The following TBC1D19 variants were observed in gnomAD, a reference collection of about 807,000 sequenced individuals.
TBC1D19 encodes the protein TBC1 domain family, member 19.
Under a neutral mutation model 89.0 loss-of-function variants are expected in TBC1D19, and 60 were observed. That is an observed-to-expected ratio of 0.67 (90% CI 0.55 to 0.84). The LOEUF is 0.84. Ranked by LOEUF, TBC1D19 falls within the 40% of genes least tolerant of loss-of-function variation. The pLI is 0.00. For missense variants in TBC1D19, 500 were observed against 610.8 expected (o/e 0.82, Z 1.91); for synonymous variants, 189 against 199.7 (o/e 0.95, Z 0.45).
At chr4:26,725,141 G>A (rs897690802) in intron 15 of TBC1D19, among the ~76,000 whole-genome samples, 1 of 152,186 alleles carries the variant, frequency 6.6e-6, no homozygotes, top group African/African-American at 2.4e-5. Flanking sequence ...GTGAGCCATG[G>A]TCTTCATGGC....
At chr4:26,693,972 G>A (rs907734418) in intron 13 of TBC1D19, among the ~76,000 whole-genome samples, 39 of 152,240 alleles carry the variant, frequency 2.6e-4, no homozygotes, top group African/African-American at 7.2e-4. Context: ...CAGAGTGAGC[G>A]ATGCAGAAGA....
chr4:26,770,080 A>T, the TBC1D19 span, among the ~76,000 whole-genome samples: 1 of 152,064 alleles, frequency 6.6e-6, no homozygotes, highest in South Asian at 2.1e-4. Flanking sequence ...AAAAAACAAC[A>T]TGGTAGATTA....
the TBC1D19 span, among the ~76,000 whole-genome samples, chr4:26,823,046 C>T: frequency 0.013 from 2,003 of 152,296 alleles, 45 homozygotes; most frequent in African/African-American, 0.046. Flanking sequence ...ATACCCAAGA[C>T]TGGGCAATTT....
chr4:26,645,824 A>C (rs1177328132), intron 7 of TBC1D19, among the ~76,000 whole-genome samples: 2 of 151,844 alleles, frequency 1.3e-5, no homozygotes, highest in Non-Finnish European at 2.9e-5. Flanking sequence ...AAACAACCCC[A>C]TCAAAAAGTG....
the TBC1D19 span, among the ~76,000 whole-genome samples, chr4:26,818,622 C>T: frequency 6.6e-6 from 1 of 152,166 alleles, no homozygotes; most frequent in African/African-American, 2.4e-5. Flanking sequence ...ATTCTTTACT[C>T]GTATTCCCCA....
At chr4:26,704,412 G>A (rs1462838424) in intron 13 of TBC1D19, among the ~76,000 whole-genome samples, 1 of 152,166 alleles carries the variant, frequency 6.6e-6, no homozygotes, top group Non-Finnish European at 1.5e-5. Flanking sequence ...TCTGTTGTAT[G>A]ACGAATCTTC....
At chr4:26,728,076 A>T (rs1447649136) in intron 15 of TBC1D19, among the ~76,000 whole-genome samples, 1 of 152,224 alleles carries the variant, frequency 6.6e-6, no homozygotes, top group Non-Finnish European at 1.5e-5. Context: ...AATTTATTGT[A>T]AGCTTTCTTA....
At chr4:26,835,574 C>T in the TBC1D19 span, among the ~76,000 whole-genome samples, 6 of 152,176 alleles carry the variant, frequency 3.9e-5, no homozygotes, top group South Asian at 8.3e-4. Context: ...TCCTTGACTC[C>T]GTTTCCCAGG....
At chr4:26,757,902 G>C (rs1212584851), downstream of TBC1D19, among the ~76,000 whole-genome samples, 1 of 152,174 alleles carries the variant, frequency 6.6e-6, no homozygotes, top group African/African-American at 2.4e-5. Flanking sequence ...AAGGATAAAA[G>C]CTGGGCTCTG....
At chr4:26,800,025 CTTTAAG>C in the TBC1D19 span, among the ~76,000 whole-genome samples, 2 of 151,892 alleles carry the variant, frequency 1.3e-5, no homozygotes, top group Non-Finnish European at 2.9e-5. Context: ...TATTATCATA[CTTTAAG>C]TTTTAGGGTA....
chr4:26,620,547 C>T (rs895493732), intron 3 of TBC1D19, 66 bp from the exon 4 acceptor site: 6 of 1,315,774 alleles, frequency 4.6e-6, no homozygotes, highest in Admixed American at 1.8e-5. Context: ...ACATGGACTA[C>T]AGAGGTAAGT....
At chr4:26,655,571 G>A (rs1336872323) in intron 7 of TBC1D19, among the ~76,000 whole-genome samples, 2 of 152,208 alleles carry the variant, frequency 1.3e-5, no homozygotes, top group African/African-American at 4.8e-5. Context: ...GTTGGCAATG[G>A]CACGCGCCCC....
At chr4:26,853,329 T>TC in the TBC1D19 span, among the ~76,000 whole-genome samples, 6 of 152,126 alleles carry the variant, frequency 3.9e-5, no homozygotes, top group African/African-American at 9.7e-5. Flanking sequence ...AAAAGTTATC[T>TC]CCCCCCTTCC....
chr4:26,817,463 T>G, the TBC1D19 span, among the ~76,000 whole-genome samples: 1 of 152,160 alleles, frequency 6.6e-6, no homozygotes, highest in African/African-American at 2.4e-5. Context: ...TTGCGTGCCC[T>G]TGGAGGAGCT....
At chr4:26,825,854 C>G in the TBC1D19 span, among the ~76,000 whole-genome samples, 1 of 152,160 alleles carries the variant, frequency 6.6e-6, no homozygotes, top group African/African-American at 2.4e-5. Flanking sequence ...TGAAACAGGG[C>G]CTGGTCCAAG....
At chr4:26,803,315 G>A in the TBC1D19 span, among the ~76,000 whole-genome samples, 61 of 152,186 alleles carry the variant, frequency 4.0e-4, no homozygotes, top group Non-Finnish European at 7.1e-4. Context: ...ATGGAGAAAT[G>A]CAGGCTCCGG....
chr4:26,795,180 C>G, the TBC1D19 span, among the ~76,000 whole-genome samples: 54 of 152,300 alleles, frequency 3.5e-4, no homozygotes, highest in Admixed American at 3.3e-3. Flanking sequence ...TCTTGCTACC[C>G]TCACACAGGC....
At chr4:26,840,330 C>T in the TBC1D19 span, among the ~76,000 whole-genome samples, 2 of 151,692 alleles carry the variant, frequency 1.3e-5, no homozygotes. Context: ...AATCTGCCTG[C>T]CTTGGCCTCC....
At chr4:26,733,253 TG>T (rs1379126341) in intron 15 of TBC1D19, among the ~76,000 whole-genome samples, 2 of 152,246 alleles carry the variant, frequency 1.3e-5, no homozygotes, top group East Asian at 3.8e-4. Context: ...TGAACTAACT[TG>T]TAAATGATAA....
Sources: allele counts gnomAD v4.1 joint callset (sites outside exome capture counted in the v4.1 genomes callset), GRCh38; gene constraint gnomAD v4.1.1; transcripts MANE v1.5; gene names NCBI Gene and HGNC (gene_info 2026-07-23, HGNC 2026-07-21).